BBS9: variants seen among roughly 807,000 people sequenced by gnomAD.
The protein encoded by BBS9 is protein PTHB1.
BBS9 carries 89 observed loss-of-function variants against 117.7 expected under a neutral mutation model. The observed-to-expected ratio is 0.76, with a 90% CI of 0.64 to 0.90. The LOEUF is 0.90. BBS9 is among the 40% of genes least tolerant of loss of function. The pLI is 0.00. For synonymous variants in BBS9, 379 were observed against 370.9 expected, an observed-to-expected ratio of 1.02 and a Z score of -0.25; for missense variants, 982 against 1,042.2, an observed-to-expected ratio of 0.94 and a Z score of 0.80.
intron 9 of BBS9, among the ~76,000 whole-genome samples, chr7:33,317,330 A>G (rs1441370790): frequency 1.3e-5 from 2 of 151,096 alleles, no homozygotes; most frequent in Non-Finnish European, 3.0e-5. Flanking sequence ...TTGTTTTGCT[A>G]TTTTGGGTTT....
chr7:33,185,775 G>A (rs1467040676), intron 5 of BBS9, among the ~76,000 whole-genome samples: 1 of 152,108 alleles, frequency 6.6e-6, no homozygotes, highest in Non-Finnish European at 1.5e-5. Flanking sequence ...TCTCAATAAA[G>A]GAATTAAACA....
intron 21 of BBS9, among the ~76,000 whole-genome samples, chr7:33,621,927 G>T (rs1411438613): frequency 5.3e-5 from 8 of 152,128 alleles, no homozygotes; most frequent in Non-Finnish European, 1.0e-4. Flanking sequence ...ATACTACAAT[G>T]GGCTGGGCGC....
chr7:33,256,186 A>C (rs142811712), intron 5 of BBS9, among the ~76,000 whole-genome samples: 78 of 152,062 alleles, frequency 5.1e-4, no homozygotes, highest in African/African-American at 1.5e-3. Flanking sequence ...AACAAAAAAA[A>C]CCAAAACAAC....
chr7:33,410,738 G>A (rs1367168916), intron 19 of BBS9, among the ~76,000 whole-genome samples: 2 of 152,046 alleles, frequency 1.3e-5, no homozygotes, highest in Non-Finnish European at 2.9e-5. Flanking sequence ...AAGCCAGTTT[G>A]TCTGGCTGTT....
At position 33,582,523 on chromosome 7, in the gene BBS9, T is replaced by TACAC. The variant is rs141224049; in HGVS notation, c.2522-22320_2522-22317dup. Among the ~76,000 whole-genome samples, 1,080 of 147,764 alleles carry TACAC rather than the reference T, an allele frequency of 7.3e-3. 8 individuals carry two copies. The highest frequency in any genetic ancestry group is 0.028 in the Middle Eastern group (8 of 284). ...TCATAGTTATACCTTGTTTCTACAATACACACACACACACACACACACACA... is the reference window on the plus strand; with the variant it reads ...TCATAGTTATACCTTGTTTCTACAATACACACACACACACACACACACACACACA... On this transcript the variant is annotated intron_variant, in intron 21 of 22. Coordinates refer to ENST00000242067, the MANE Select transcript of BBS9 (RefSeq NM_198428.3).
intron 21 of BBS9, among the ~76,000 whole-genome samples, chr7:33,570,284 G>A (rs562517081): frequency 2.6e-5 from 4 of 152,140 alleles, no homozygotes; most frequent in Non-Finnish European, 4.4e-5. Flanking sequence ...CTGAAAGTGC[G>A]CTCAAAAGAC....
At chr7:33,350,224 A>T (rs1433144610) in intron 13 of BBS9, among the ~76,000 whole-genome samples, 1 of 152,080 alleles carries the variant, frequency 6.6e-6, no homozygotes, top group Admixed American at 6.6e-5. Context: ...TCAAGAACAT[A>T]TCTTTCTTTT....
chr7:33,425,392 C>A (rs368365028), intron 19 of BBS9, among the ~76,000 whole-genome samples: 7 of 152,064 alleles, frequency 4.6e-5, no homozygotes, highest in Non-Finnish European at 8.8e-5. Flanking sequence ...AGGATGTGCA[C>A]GTTTGTTACA....
Position 33,595,802 on chromosome 7 carries a change from A to C in BBS9, c.2522-9063A>C, listed in dbSNP as rs190536879. On this transcript the variant is annotated intron_variant, in intron 21 of 22. Transcript: ENST00000242067. ...CCCATCAGTGATAGCCTGGATAAAGAAAATGTGGTATGTATACACCATGGA... is the reference window on the plus strand; with the variant it reads ...CCCATCAGTGATAGCCTGGATAAAGCAAATGTGGTATGTATACACCATGGA... Among the ~76,000 whole-genome samples, 158 of 152,342 alleles carry C rather than the reference A, an allele frequency of 1.0e-3. 2 individuals carry two copies. The highest frequency in any genetic ancestry group is 8.9e-3 in the South Asian group (43 of 4,826).
At chr7:33,404,117 T>C (rs898997630) in intron 19 of BBS9, among the ~76,000 whole-genome samples, 1 of 152,168 alleles carries the variant, frequency 6.6e-6, no homozygotes, top group African/African-American at 2.4e-5. Context: ...TCCCCATTGC[T>C]TGTTTTTCTC....
At position 33,228,760 on chromosome 7, in the gene BBS9, T is replaced by C. The variant is rs546606639; in HGVS notation, c.443-28476T>C. ...TTCATTGAGTCTAAGTGGGTTATTA[T>C]ACAGGTCTTCATCTTTGTCATCTTC... On this transcript the variant is annotated intron_variant, in intron 5 of 22. Coordinates refer to ENST00000242067, the MANE Select transcript of BBS9 (RefSeq NM_198428.3). Among the ~76,000 whole-genome samples the C allele has an allele frequency of 1.1e-4, 17 of 152,314 alleles. No homozygotes were observed. In the South Asian group the frequency reaches 3.3e-3, roughly 30 times the overall value.
chr7:33,596,387 C>CTATA (rs1259297271), intron 21 of BBS9, among the ~76,000 whole-genome samples: 5 of 150,294 alleles, frequency 3.3e-5, no homozygotes, highest in African/African-American at 9.8e-5. Flanking sequence ...ATCTATCTAT[C>CTATA]TATCTATATA....
At chr7:33,155,517 G>T in intron 3 of BBS9, 121 bp from the exon 4 acceptor site, 1 of 659,250 alleles carries the variant, frequency 1.5e-6, no homozygotes, top group Non-Finnish European at 2.7e-6. Context: ...GTTATCTAAT[G>T]AATTGTTTTG....
chr7:33,470,909 GA>G lies in BBS9; in HGVS notation c.2116-34553del, dbSNP rs111458115. 7.1e-3 allele frequency among the ~76,000 whole-genome samples: 1,085 copies of G among 152,180 alleles called. 13 individuals are homozygous for G. The highest frequency in any genetic ancestry group is 0.037 in the South Asian group (179 of 4,808). ...TTTGAGTAGGCTTTTCAAAAGATGGGAGGGATAGAAAACGGCTGAGAAATAG... is the reference window on the plus strand; with the variant it reads ...TTTGAGTAGGCTTTTCAAAAGATGGGGGGATAGAAAACGGCTGAGAAATAG... On this transcript the variant is annotated intron_variant, in intron 19 of 22. Transcript: ENST00000242067.
chr7:33,241,705 A>T (rs1313633030), intron 5 of BBS9, among the ~76,000 whole-genome samples: 3 of 152,016 alleles, frequency 2.0e-5, no homozygotes, highest in Admixed American at 2.0e-4. Context: ...AATTCTTATT[A>T]AAACTGCTCT....
At chr7:33,285,134 G>T (rs1372757395) in intron 9 of BBS9, among the ~76,000 whole-genome samples, 1 of 152,134 alleles carries the variant, frequency 6.6e-6, no homozygotes, top group Non-Finnish European at 1.5e-5. Flanking sequence ...AGTGGTAGAG[G>T]TTGGAAAGAT....
chr7:33,255,740 CT>C (rs1796940992), intron 5 of BBS9, among the ~76,000 whole-genome samples: 1 of 152,156 alleles, frequency 6.6e-6, no homozygotes, highest in Non-Finnish European at 1.5e-5. Flanking sequence ...AGATGAGATT[CT>C]TTTTGTCTGA....
rs981464476 is a variant in BBS9, at chr7:33,386,965, G to T, written c.1963-1027G>T. On this transcript the variant is annotated intron_variant, in intron 18 of 22. Transcript: ENST00000242067. ...GCAGTCACAACTATGTTAATATATA[G>T]GTTTCTTTTTTTTAAATAAAAAATA... Among the ~76,000 whole-genome samples the T allele has an allele frequency of 2.0e-5, 3 of 151,858 alleles. No individual in the cohort carries two copies. The South Asian group carries it at 6.2e-4, about 32-fold the overall frequency.
intron 12 of BBS9, 68 bp from the exon 13 acceptor site, chr7:33,348,997 AAGT>A: frequency 9.4e-7 from 1 of 1,059,112 alleles, no homozygotes. Context: ...AGTTATGTTT[AAGT>A]AGTTACGATA....
Sources: allele counts gnomAD v4.1 joint callset (sites outside exome capture counted in the v4.1 genomes callset), GRCh38; gene constraint gnomAD v4.1.1; transcripts MANE v1.5; gene names NCBI Gene and HGNC (gene_info 2026-07-23, HGNC 2026-07-21).